ANTXR2: variants seen among roughly 807,000 people sequenced by gnomAD.
ANTXR2 encodes anthrax toxin receptor 2.
A neutral mutation model predicts 73.7 loss-of-function variants in ANTXR2; 44 were observed. That is an observed-to-expected ratio of 0.60 (90% CI 0.47 to 0.77). The LOEUF (loss-of-function observed/expected upper bound fraction) is 0.77, where lower values mean the gene tolerates loss of function less well. Ranked by LOEUF, ANTXR2 falls within the 30% of genes least tolerant of loss-of-function variation. The pLI is 0.00. For synonymous variants in ANTXR2, 217 were observed against 205.9 expected, an observed-to-expected ratio of 1.05 and a Z score of -0.46; for missense variants, 604 against 592.5, an observed-to-expected ratio of 1.02 and a Z score of -0.20.
intron 3 of ANTXR2, among the ~76,000 whole-genome samples, chr4:80,060,595 T>C (rs1424850686): frequency 6.6e-6 from 1 of 152,190 alleles, no homozygotes; most frequent in African/African-American, 2.4e-5. Flanking sequence ...AATAGGAATA[T>C]AAATATCTCC....
At chr4:79,988,692 A>T (rs866132777) in intron 12 of ANTXR2, among the ~76,000 whole-genome samples, 1 of 152,078 alleles carries the variant, frequency 6.6e-6, no homozygotes, top group African/African-American at 2.4e-5. Flanking sequence ...CAGAATATAC[A>T]TTCTTCTCAT....
Position 80,015,385 on chromosome 4 carries a change from T to C in ANTXR2, c.945+3513A>G, listed in dbSNP as rs947502558. Among the ~76,000 whole-genome samples, 5 of 152,218 alleles carry C rather than the reference T, an allele frequency of 3.3e-5. 1 individual carries two copies. The highest frequency in any genetic ancestry group is 3.3e-4 in the Admixed American group (5 of 15,280). ...TCTTCATTAATACAATTTATATGGC[T>C]ATTTCTAGGACTATTTCTACCACCA... On this transcript the variant is annotated intron_variant, in intron 11 of 16. Transcript: ENST00000403729.
Position 79,903,832 on chromosome 4 carries a change from A to C in ANTXR2, c.*3597T>G, listed in dbSNP as rs888487534. 2 of 152,162 alleles carry C rather than the reference A, an allele frequency of 1.3e-5. No homozygotes were observed. The highest frequency in any genetic ancestry group is 4.8e-5 in the African/African-American group (2 of 41,444). The allele number at this position is 152,162 out of a possible 1,614,324, so 9.4% of individuals were successfully genotyped here. On this transcript the variant is annotated 3_prime_UTR_variant, in exon 17 of 17. Transcript: ENST00000403729. ...AGATTATGTATTTCCTTTCATATTG[A>C]AATGATGCATATATTTCTTTCCTGT...
At chr4:80,014,617 T>A (rs1354006018) in intron 11 of ANTXR2, among the ~76,000 whole-genome samples, 1 of 152,076 alleles carries the variant, frequency 6.6e-6, no homozygotes, top group Non-Finnish European at 1.5e-5. Flanking sequence ...CACAAAATAT[T>A]TCTCCGCCTT....
intron 11 of ANTXR2, among the ~76,000 whole-genome samples, chr4:80,015,556 A>G (rs1347622776): frequency 1.3e-5 from 2 of 152,096 alleles, no homozygotes; most frequent in Non-Finnish European, 2.9e-5. Flanking sequence ...TCACCATCAC[A>G]TGTGTGTCCA....
At chr4:79,926,064 T>C (rs1727768875) in intron 16 of ANTXR2, among the ~76,000 whole-genome samples, 1 of 152,106 alleles carries the variant, frequency 6.6e-6, no homozygotes, top group South Asian at 2.1e-4. Context: ...ACATCAAAAT[T>C]GATATTCAAA....
Position 79,903,526 on chromosome 4 carries a change from C to T in ANTXR2, c.*3903G>A, listed in dbSNP as rs916083966. The T allele has an allele frequency of 2.6e-5, 4 of 152,210 alleles. No individual in the cohort carries two copies. Among genetic ancestry groups the T allele is most frequent in the Middle Eastern group, 3.4e-3 (1 of 294 alleles). The allele number at this position is 152,210 out of a possible 1,614,324, so 9.4% of individuals were successfully genotyped here. On this transcript the variant is annotated 3_prime_UTR_variant, in exon 17 of 17. Transcript: ENST00000403729. ...AAAATAAAATACATTAAAAAACCAG[C>T]GCAGAACCTGCTACATTATGGATTT... is the stretch of plus-strand genomic sequence containing the variant.
At chr4:79,993,806 G>C (rs934362998) in intron 12 of ANTXR2, among the ~76,000 whole-genome samples, 4 of 139,496 alleles carry the variant, frequency 2.9e-5, no homozygotes, top group Non-Finnish European at 6.5e-5. Context: ...TTTCAGAGGA[G>C]AGCAGTTCCT....
In ANTXR2 at chr4:80,054,311, G is replaced by A. The variant is rs373292501; in HGVS notation, c.597C>T (p.Val199=). 15 of 1,595,638 alleles carry A rather than the reference G, an allele frequency of 9.4e-6. No individual in the cohort carries two copies. Among genetic ancestry groups the A allele is most frequent in the Non-Finnish European group, 1.1e-5 (13 of 1,171,514 alleles). Residue 199 remains valine, a synonymous_variant, in exon 7 of 17, where the codon GTC becomes GTT. Coordinates refer to ENST00000403729, the MANE Select transcript of ANTXR2 (RefSeq NM_058172.6). ...IADSKEQVFP[V]KGGFQALKGI... The stretch of plus-strand genomic sequence containing the variant: ...CTTTAAGAGCCTGAAATCCACCTTT[G>A]ACAGGGAAAACTTGCTCCTTGGAAT...
chr4:79,950,026 TAAA>T (rs897978541), intron 16 of ANTXR2, among the ~76,000 whole-genome samples: 56 of 152,276 alleles, frequency 3.7e-4, no homozygotes, highest in African/African-American at 1.3e-3. Context: ...CTTTGAATAA[TAAA>T]ATCTATAAAA....
intron 7 of ANTXR2, among the ~76,000 whole-genome samples, chr4:80,053,806 T>C (rs1473413242): frequency 6.6e-6 from 1 of 151,744 alleles, no homozygotes; most frequent in East Asian, 1.9e-4. Context: ...CTAGTGAAAC[T>C]ATTAATCATT....
At chr4:80,011,972 C>T (rs1199233144) in intron 11 of ANTXR2, among the ~76,000 whole-genome samples, 1 of 152,186 alleles carries the variant, frequency 6.6e-6, no homozygotes, top group African/African-American at 2.4e-5. Flanking sequence ...AACTAAAATT[C>T]TAGTGAAGAG....
chr4:79,935,062 G>A (rs1392107139), intron 16 of ANTXR2, among the ~76,000 whole-genome samples: 1 of 151,688 alleles, frequency 6.6e-6, no homozygotes, highest in Non-Finnish European at 1.5e-5. Context: ...CCTGCACGTT[G>A]TGCCCATGTA....
chr4:79,917,951 C>A (rs1042351038), intron 16 of ANTXR2, among the ~76,000 whole-genome samples: 2 of 150,344 alleles, frequency 1.3e-5, no homozygotes, highest in Admixed American at 6.6e-5. Context: ...AATAAAAGAT[C>A]TGGCAAAAAA....
rs1578203660 is a variant in ANTXR2, at chr4:80,072,809, C to G, written c.-249G>C. On this transcript the variant is annotated 5_prime_UTR_variant, in exon 1 of 17. Transcript: ENST00000403729. ...AACTCTTGACGAATCCCAGTGGAAG[C>G]GCGATCCAGTCCTCCCCCTCCCGAT... 1.0e-6 allele frequency: 1 copy of G among 955,478 alleles called. No individual in the cohort carries two copies. The highest frequency in any genetic ancestry group is 3.5e-5 in the East Asian group (1 of 28,974). The allele number at this position is 955,478 out of a possible 1,614,324, so 59.2% of individuals were successfully genotyped here.
At chr4:79,995,099 T>C (rs1471531370) in intron 12 of ANTXR2, among the ~76,000 whole-genome samples, 1 of 152,060 alleles carries the variant, frequency 6.6e-6, no homozygotes, top group Non-Finnish European at 1.5e-5. Flanking sequence ...TAAAACTTTT[T>C]AAAGTATATG....
Position 80,055,206 on chromosome 4 carries a change from T to C in ANTXR2, c.499A>G (p.Arg167Gly). Residue 167 changes from arginine to glycine, a missense_variant, in exon 6 of 17, where the codon AGG (arginine) becomes GGG (glycine). Transcript: ENST00000403729. ...SYAEKEAKIS[R>G]SLGASVYCVG... ...CAATAAACACTAGCCCCAAGTGACC[T>C]GGATATCTTTGCCTATGGAGAATGA... 2.6e-6 allele frequency: 4 copies of C among 1,568,522 alleles called. No homozygotes were observed. Among genetic ancestry groups the C allele is most frequent in the Non-Finnish European group, 2.6e-6 (3 of 1,155,154 alleles).
chr4:80,040,960 TA>T (rs1455733473), intron 7 of ANTXR2, among the ~76,000 whole-genome samples: 15 of 152,076 alleles, frequency 9.9e-5, no homozygotes, highest in Non-Finnish European at 2.1e-4. Context: ...TCAAATTTTC[TA>T]AATTAAGTAC....
chr4:80,066,931 C>T (rs1237115801), intron 3 of ANTXR2, among the ~76,000 whole-genome samples: 2 of 151,970 alleles, frequency 1.3e-5, no homozygotes, highest in East Asian at 3.9e-4. Flanking sequence ...GGTGCAGTGG[C>T]TCACGCCTGT....
Sources: allele counts gnomAD v4.1 joint callset (sites outside exome capture counted in the v4.1 genomes callset), GRCh38; gene constraint gnomAD v4.1.1; transcripts MANE v1.5; gene names NCBI Gene and HGNC (gene_info 2026-07-23, HGNC 2026-07-21).